The following INO80 variants were observed in gnomAD, a reference collection of about 807,000 sequenced individuals.
The protein encoded by INO80 is chromatin-remodeling ATPase INO80.
In INO80, 20 loss-of-function variants were observed where a neutral mutation model predicts 203.4. The ratio of observed to expected loss-of-function variants is 0.10; its 90% CI spans 0.07 to 0.14. The LOEUF is 0.14. Ranked by LOEUF, INO80 falls within the 10% of genes least tolerant of loss-of-function variation. The pLI is 1.00. For missense variants in INO80, 1,419 were observed against 1,914.4 expected (o/e 0.74, Z 4.83); for synonymous variants, 726 against 685.2 (o/e 1.06, Z -0.93).
chr15:41,048,952 C>T (rs140407432), intron 21 of INO80, among the ~76,000 whole-genome samples: 2 of 152,330 alleles, frequency 1.3e-5, no homozygotes, highest in African/African-American at 4.8e-5. Context: ...AGTTCACCCA[C>T]AAGTGCAATT....
chr15:41,025,728 A>G (rs1236189486), intron 25 of INO80, among the ~76,000 whole-genome samples: 1 of 152,138 alleles, frequency 6.6e-6, no homozygotes, highest in Non-Finnish European at 1.5e-5. Flanking sequence ...AACAAAAACA[A>G]AAAACCCCAA....
intron 1 of INO80, among the ~76,000 whole-genome samples, chr15:41,111,853 A>G (rs10152296): frequency 0.12 from 18,447 of 151,712 alleles, 3,374 homozygotes; most frequent in African/African-American, 0.4. Flanking sequence ...AAAACCTCTT[A>G]CCCAACAGAA....
At chr15:41,057,797 C>CAAAAAAAA (rs35197370) in intron 16 of INO80, among the ~76,000 whole-genome samples, 141 of 28,274 alleles carry the variant, frequency 5.0e-3, no homozygotes, top group Non-Finnish European at 8.1e-3. Flanking sequence ...AACTACATCT[C>CAAAAAAAA]AAAAAAAAAA....
chr15:41,092,159 G>A lies in INO80; in HGVS notation c.405C>T (p.Ser135=). The A allele has an allele frequency of 6.2e-7, 1 of 1,606,802 alleles. No individual in the cohort carries two copies. The highest frequency in any genetic ancestry group is 8.5e-7 in the Non-Finnish European group (1 of 1,174,198). ...CTTCACTCTGAGAATCAGCCTCGCT[G>A]GATTCATCACTTAGCAGAATGCTCT... ...WLKSILLSDE[S]SEADSQSEDD... is the part of the protein sequence containing the mutation. The change falls in exon 5 of 36, where the codon TCC becomes TCT. Residue 135 remains serine, a synonymous_variant. Coordinates refer to ENST00000648947, the MANE Select transcript of INO80 (RefSeq NM_017553.3).
chr15:41,088,355 C>A (rs988632979), intron 5 of INO80, among the ~76,000 whole-genome samples: 5 of 152,038 alleles, frequency 3.3e-5, no homozygotes, highest in African/African-American at 1.2e-4. Context: ...CAGCCCACCT[C>A]AGCCTCCCAA....
At chr15:41,084,491 G>A (rs979499649) in intron 7 of INO80, among the ~76,000 whole-genome samples, 10 of 152,068 alleles carry the variant, frequency 6.6e-5, no homozygotes, top group African/African-American at 9.7e-5. Context: ...CCTGGGAAGC[G>A]GAGGTTGCAG....
At chr15:41,004,482 G>A (rs2044008401) in intron 28 of INO80, 1 of 152,222 alleles carries the variant, frequency 6.6e-6, no homozygotes, top group Non-Finnish European at 1.5e-5. Flanking sequence ...CAAAGTCAAA[G>A]CTGTTCTGAT....
Position 41,055,039 on chromosome 15 carries a change from CA to C in INO80, c.2188+207del, listed in dbSNP as rs377717545. Among the ~76,000 whole-genome samples the C allele has an allele frequency of 2.7e-3, 412 of 152,256 alleles. 1 individual carries two copies. The highest frequency in any genetic ancestry group is 9.2e-3 in the African/African-American group (383 of 41,538). On this transcript the variant is annotated intron_variant, in intron 18 of 35. Coordinates refer to ENST00000648947, the MANE Select transcript of INO80 (RefSeq NM_017553.3). ...GATCTGCCTTGATTAGACAAGACTA[CA>C]GTAGTAATCATCTAAATTAGTTCTT...
intron 7 of INO80, among the ~76,000 whole-genome samples, chr15:41,083,344 G>GA (rs1292980796): frequency 1.3e-5 from 2 of 151,132 alleles, no homozygotes; most frequent in African/African-American, 2.4e-5. Flanking sequence ...AACTGCTATG[G>GA]AAAAAAAATT....
chr15:40,983,829 TGAG>T lies in INO80; in HGVS notation c.4167_4169del (p.Ser1390del), dbSNP rs1893923856. The T allele has an allele frequency of 6.2e-7, 1 of 1,613,004 alleles. No individual in the cohort carries two copies. The stretch of plus-strand genomic sequence containing the variant: ...AGTTGGTAGCTCGAGACTGAGGGGC[TGAG>T]GAGGCTGGGTCATCCACAATGACCA... On this transcript the variant is annotated inframe_deletion, in exon 34 of 36. Coordinates refer to ENST00000648947, the MANE Select transcript of INO80 (RefSeq NM_017553.3).
At chr15:41,049,895 C>CA (rs749214917) in intron 20 of INO80, 40 bp downstream of exon 20, 3 of 1,567,762 alleles carry the variant, frequency 1.9e-6, no homozygotes, top group South Asian at 1.2e-5. Flanking sequence ...TCTCAAAAAA[C>CA]AAAAAACAAA....
chr15:41,080,982 C>A (rs1171647360), intron 8 of INO80, 38 bp downstream of exon 8: 2 of 1,390,682 alleles, frequency 1.4e-6, no homozygotes, highest in Middle Eastern at 1.8e-4. Context: ...TATATTCCAG[C>A]AAAACATGAA....
rs1366229397 is a variant in INO80, at chr15:41,049,437, T to C, written c.2443-17A>G. 1 of 1,612,850 alleles carries C rather than the reference T, an allele frequency of 6.2e-7. No homozygotes were observed. Among genetic ancestry groups the C allele is most frequent in the African/African-American group, 1.3e-5 (1 of 74,872 alleles). On this transcript the variant is annotated splice_polypyrimidine_tract_variant and intron_variant, in intron 20 of 35. Transcript: ENST00000648947. The stretch of plus-strand genomic sequence containing the variant: ...ATTACACACCTAAAAGGAAGGGAAA[T>C]GGTAAGACAATATTACCACATGCAG...
intron 31 of INO80, among the ~76,000 whole-genome samples, chr15:40,986,448 C>G (rs924125288): frequency 1.5e-4 from 23 of 151,258 alleles, no homozygotes; most frequent in African/African-American, 5.6e-4. Context: ...CCTCAGCCTC[C>G]CGAGTAGCTG....
chr15:40,986,040 T>C (rs2043728332), intron 31 of INO80, among the ~76,000 whole-genome samples: 1 of 152,328 alleles, frequency 6.6e-6, no homozygotes, highest in Middle Eastern at 3.4e-3. Context: ...CTGGCAAATG[T>C]GAACTTACTT....
chr15:41,020,832 C>T (rs2044282722), intron 26 of INO80, 68 bp downstream of exon 26: 1 of 965,772 alleles, frequency 1.0e-6, no homozygotes, highest in Admixed American at 2.2e-5. Context: ...GAAAGGACCA[C>T]ATGAAGATAA....
At chr15:41,089,709 C>T (rs781672667) in intron 5 of INO80, among the ~76,000 whole-genome samples, 8 of 151,064 alleles carry the variant, frequency 5.3e-5, no homozygotes, top group Non-Finnish European at 1.2e-4. Flanking sequence ...CGCCATTGCA[C>T]TCGAGCCTGG....
At chr15:41,040,921 C>T in intron 24 of INO80, among the ~76,000 whole-genome samples, 1 of 152,094 alleles carries the variant, frequency 6.6e-6, no homozygotes, top group East Asian at 1.9e-4. Context: ...GAATTCTGAA[C>T]AAACATTTCA....
Position 40,980,434 on chromosome 15 carries a change from G to A in INO80, c.4460C>T (p.Ser1487Phe). ...GGATGTCTGCAGAGGACTGCTGGCG[G>A]AGATTCCTGTGGGGACGGAGAGAGA... ...AYGYNVSKGI[S>F]ASSPLQTSLV... The change falls in exon 36 of 36, where the codon TCC becomes TTC. Residue 1487 changes from serine (S) to phenylalanine (F), a missense_variant. Transcript: ENST00000648947. 1 of 1,612,556 alleles carries A rather than the reference G, an allele frequency of 6.2e-7. No individual in the cohort carries two copies. Among genetic ancestry groups the A allele is most frequent in the Non-Finnish European group, 8.5e-7 (1 of 1,179,644 alleles).
Sources: gnomAD v4.1 joint callset for allele counts (sites outside exome capture counted in the v4.1 genomes callset) on GRCh38, gnomAD v4.1.1 for gene constraint, MANE v1.5 for transcripts, NCBI Gene and HGNC (gene_info 2026-07-23, HGNC 2026-07-21) for gene names.